Variants in CHAF1B observed in about 807,000 individuals in gnomAD.
CHAF1B encodes CAF-1 subunit B.
CHAF1B carries 10 observed loss-of-function variants against 60.7 expected under a neutral mutation model. The observed-to-expected ratio is 0.16, with a 90% CI of 0.10 to 0.28. The LOEUF (loss-of-function observed/expected upper bound fraction) is 0.28, where lower values mean the gene tolerates loss of function less well. Ranked by LOEUF, CHAF1B falls within the 10% of genes least tolerant of loss-of-function variation. The probability of loss-of-function intolerance (pLI) is 1.00; values close to 1 mark genes in which losing one functional copy is unlikely to be tolerated. For synonymous variants in CHAF1B, 261 were observed against 266.1 expected (o/e 0.98, Z 0.19); for missense variants, 558 against 708.4 (o/e 0.79, Z 2.41).
chr21:36,395,615 G>T (rs2086131656), intron 5 of CHAF1B, among the ~76,000 whole-genome samples: 1 of 152,214 alleles, frequency 6.6e-6, no homozygotes, highest in Admixed American at 6.5e-5. Flanking sequence ...ATAGGGCATT[G>T]CATGCTAGTT....
chr21:36,413,619 C>T (rs2086295831), intron 12 of CHAF1B, among the ~76,000 whole-genome samples: 1 of 152,196 alleles, frequency 6.6e-6, no homozygotes, highest in African/African-American at 2.4e-5. Flanking sequence ...GCCTTCATCT[C>T]CGGCCTAGTC....
At chr21:36,403,491 T>A (rs1054012777) in intron 8 of CHAF1B, among the ~76,000 whole-genome samples, 5 of 148,750 alleles carry the variant, frequency 3.4e-5, no homozygotes, top group African/African-American at 4.9e-5. Flanking sequence ...GAAACTTTAC[T>A]ATTTAAACCC....
In CHAF1B at chr21:36,416,024, G is replaced by A. The variant is rs552051546; in HGVS notation, c.1589-251G>A. On this transcript the variant is annotated intron_variant, in intron 13 of 13. Transcript: ENST00000314103. Reference sequence around the variant, plus strand: ...CCGCCTCAGCCTCCCAAAGTGCTGCGATTACAGGCGTGAGCCACCGCGCCC... The same window carrying A: ...CCGCCTCAGCCTCCCAAAGTGCTGCAATTACAGGCGTGAGCCACCGCGCCC... 1.5e-3 allele frequency: 606 copies of A among 412,050 alleles called. 5 individuals carry two copies. The highest frequency in any genetic ancestry group is 2.6e-3 in the South Asian group (104 of 39,282). 25.5% of individuals were successfully genotyped at this position (412,050 alleles called of 1,614,324 possible). A position where few individuals can be genotyped will look rare whatever the true frequency, so the allele number is the denominator to read the frequency against.
chr21:36,391,771 C>A, intron 4 of CHAF1B, 103 bp downstream of exon 4: 1 of 724,774 alleles, frequency 1.4e-6, no homozygotes, highest in Non-Finnish European at 2.4e-6. Context: ...GATAGGGTCT[C>A]ATTGTCGCCC....
At position 36,391,520 on chromosome 21, in the gene CHAF1B, C is replaced by T. The variant is rs376014763; in HGVS notation, c.260-31C>T. The T allele has an allele frequency of 1.1e-4, 141 of 1,306,646 alleles. No homozygotes were observed. The African/African-American group carries it at 1.2e-3, about 12-fold the overall frequency. 80.9% of individuals were successfully genotyped at this position (1,306,646 alleles called of 1,614,324 possible). On this transcript the variant is annotated intron_variant, in intron 3 of 13. Transcript: ENST00000314103. ...CTAATATGAAGGAGTGTGGGTGAAG[C>T]GTGGATCACTGTTACTGAATCACCC...
In CHAF1B at chr21:36,399,667, G is replaced by A. The variant is rs1440756650; in HGVS notation, c.663+62G>A. ...TTAACTGAGACTTAGGAAGTCATGA[G>A]CTCCTCCCATACCCTTGCAGCCAAA... On this transcript the variant is annotated intron_variant, in intron 7 of 13. Coordinates refer to ENST00000314103, the MANE Select transcript of CHAF1B (RefSeq NM_005441.3). 9.7e-6 allele frequency: 13 copies of A among 1,337,814 alleles called. No individual in the cohort carries two copies. In the East Asian group the frequency reaches 2.8e-4, roughly 28 times the overall value. The allele number at this position is 1,337,814 out of a possible 1,614,324, so 82.9% of individuals were successfully genotyped here.
Position 36,387,223 on chromosome 21 carries a change from TG to T in CHAF1B, c.127-374del, listed in dbSNP as rs1490903467. On this transcript the variant is annotated intron_variant, in intron 2 of 13. Coordinates refer to ENST00000314103, the MANE Select transcript of CHAF1B (RefSeq NM_005441.3). ...TTCTTTCTGAAAATAAGCATAGTTT[TG>T]TTTTTTTTTTTTTTTTGAGACAGGG... 4.5e-3 allele frequency among the ~76,000 whole-genome samples: 665 copies of T among 147,586 alleles called. 15 individuals are homozygous for T. The highest frequency in any genetic ancestry group is 0.015 in the African/African-American group (621 of 40,084).
rs1010570982 is a variant in CHAF1B at position 36,391,537 on chromosome 21, G to A, written c.260-14G>A. 3 of 1,505,064 alleles carry A rather than the reference G, an allele frequency of 2.0e-6. No individual in the cohort carries two copies. In the Admixed American group the frequency reaches 5.0e-5, roughly 25 times the overall value. The allele number at this position is 1,505,064 out of a possible 1,614,324, so 93.2% of individuals were successfully genotyped here. A position where few individuals can be genotyped will look rare whatever the true frequency, so the allele number is the denominator to read the frequency against. Reference sequence around the variant, plus strand: ...GGGTGAAGCGTGGATCACTGTTACTGAATCACCCTGCAGATGCTGTCATCC... The same window carrying A: ...GGGTGAAGCGTGGATCACTGTTACTAAATCACCCTGCAGATGCTGTCATCC... On this transcript the variant is annotated splice_polypyrimidine_tract_variant and intron_variant, in intron 3 of 13. Coordinates refer to ENST00000314103, the MANE Select transcript of CHAF1B (RefSeq NM_005441.3).
chr21:36,397,652 A>T (rs2086152663), intron 6 of CHAF1B, 141 bp downstream of exon 6: 6 of 423,542 alleles, frequency 1.4e-5, no homozygotes, highest in Non-Finnish European at 1.7e-5. Flanking sequence ...ACTCATTCTT[A>T]CAACATAATC....
intron 11 of CHAF1B, among the ~76,000 whole-genome samples, 173 bp downstream of exon 11, chr21:36,411,777 G>A (rs1182528337): frequency 2.6e-5 from 4 of 152,142 alleles, no homozygotes; most frequent in African/African-American, 9.7e-5. Context: ...CACCCGGGCT[G>A]GAGTGCAGTG....
At position 36,391,604 on chromosome 21, in the gene CHAF1B, G is replaced by A. The variant is rs1447517597; in HGVS notation, c.313G>A (p.Ala105Thr). Residue 105 changes from alanine to threonine, a missense_variant, in exon 4 of 14, where the codon GCT becomes ACT. Ala to Thr is a moderately conservative substitution (Grantham distance 58, BLOSUM62 0). This residue lies in a region of CHAF1B where 325 missense variants were observed against 493.5 expected (regional missense o/e 0.66). Transcript: ENST00000314103. ...TGATAACAAGGAGCCGGAGCAGATC[G>A]CTTTTCAGGATGAGGACGAGGCCCA... ...VNDNKEPEQIAFQDEDEAQLN... is the reference protein window; with the variant it reads ...VNDNKEPEQITFQDEDEAQLN... The A allele has an allele frequency of 6.8e-6, 11 of 1,613,702 alleles. No individual in the cohort carries two copies. Among genetic ancestry groups the A allele is most frequent in the East Asian group, 2.2e-5 (1 of 44,858 alleles).
chr21:36,413,011 A>G lies in CHAF1B; in HGVS notation c.1189A>G (p.Thr397Ala), dbSNP rs1245489160. ...AGTTTTGAACATGAGAACTCCTGAT[A>G]CAGCAAAGAAAACCAAGAGTCAGAC... ...KPVLNMRTPDTAKKTKSQTHR... is the reference protein window; with the variant it reads ...KPVLNMRTPDAAKKTKSQTHR... Residue 397 changes from threonine to alanine, a missense_variant, in exon 12 of 14, where the codon ACA becomes GCA. Around this residue, in one of 2 missense-constraint regions of CHAF1B, gnomAD observed 233 missense variants for 214.9 expected, o/e 1.08. Transcript: ENST00000314103. The G allele has an allele frequency of 6.2e-7, 1 of 1,614,084 alleles. No individual in the cohort carries two copies. Among genetic ancestry groups the G allele is most frequent in the Non-Finnish European group, 8.5e-7 (1 of 1,180,050 alleles).
intron 3 of CHAF1B, among the ~76,000 whole-genome samples, chr21:36,390,167 C>A (rs2086074842): frequency 6.6e-6 from 1 of 151,772 alleles, no homozygotes; most frequent in Admixed American, 6.6e-5. Flanking sequence ...AACCTCGTCT[C>A]TACTAAAAAT....
At chr21:36,413,777 T>C (rs559989848) in intron 12 of CHAF1B, among the ~76,000 whole-genome samples, 64 of 152,196 alleles carry the variant, frequency 4.2e-4, no homozygotes, top group Non-Finnish European at 7.8e-4. Context: ...TTTGCAGTCT[T>C]TGTGGCCCTT....
chr21:36,402,621 T>A (rs879799419), intron 7 of CHAF1B, 137 bp from the exon 8 acceptor site: 1 of 664,658 alleles, frequency 1.5e-6, no homozygotes, highest in Non-Finnish European at 2.6e-6. Context: ...TAAATGACAC[T>A]ATGTAAAGAA....
Position 36,416,263 on chromosome 21 carries a change from T to C in CHAF1B, c.1589-12T>C. 6.2e-7 allele frequency: 1 copy of C among 1,605,320 alleles called. No homozygotes were observed. The highest frequency in any genetic ancestry group is 1.1e-5 in the South Asian group (1 of 90,676). On this transcript the variant is annotated splice_polypyrimidine_tract_variant and intron_variant, in intron 13 of 13. Transcript: ENST00000314103. ...CATTTACTTGCCAACCTTATGTTTG[T>C]TAATGTTGCAGAGACGCCTGGAGAC...
At chr21:36,395,222 G>A (rs1011245754) in intron 5 of CHAF1B, among the ~76,000 whole-genome samples, 1 of 149,834 alleles carries the variant, frequency 6.7e-6, no homozygotes, top group Non-Finnish European at 1.5e-5. Context: ...GCTAATTTTT[G>A]TATCATTAAC....
chr21:36,386,503 T>C (rs910784343), intron 2 of CHAF1B, among the ~76,000 whole-genome samples: 5 of 151,888 alleles, frequency 3.3e-5, no homozygotes, highest in Non-Finnish European at 7.4e-5. Flanking sequence ...ACTTGGGAAG[T>C]TGAAGTGAGA....
intron 10 of CHAF1B, 85 bp downstream of exon 10, chr21:36,409,550 T>G (rs1013543046): frequency 2.4e-6 from 2 of 822,182 alleles, no homozygotes. Context: ...TTCTGTCTTA[T>G]GGGGAAAGGT....
Sources: allele counts gnomAD v4.1 joint callset (sites outside exome capture counted in the v4.1 genomes callset), GRCh38; gene constraint gnomAD v4.1.1; regional missense constraint gnomAD v4.1.1; transcripts MANE v1.5; gene names NCBI Gene and HGNC (gene_info 2026-07-23, HGNC 2026-07-21).